SEPTIN6: variants seen among roughly 807,000 people sequenced by gnomAD.
The protein encoded by SEPTIN6 is septin 6.
In SEPTIN6, 8 loss-of-function variants were observed where a neutral mutation model predicts 33.6. That is an observed-to-expected ratio of 0.24 (90% CI 0.14 to 0.43). The LOEUF (loss-of-function observed/expected upper bound fraction) is 0.43, where lower values mean the gene tolerates loss of function less well. Ranked by LOEUF, SEPTIN6 falls within the 20% of genes least tolerant of loss-of-function variation. The pLI is 1.00. For missense variants in SEPTIN6, 250 were observed against 340.8 expected (o/e 0.73, Z 2.10); for synonymous variants, 131 against 140.0 (o/e 0.94, Z 0.45).
chrX:119,647,916 G>C (rs12392026), intron 5 of SEPTIN6, among the ~76,000 whole-genome samples: 3,939 of 105,673 alleles, frequency 0.037, 312 homozygotes, highest in African/African-American at 0.14. Context: ...GCCCCCGAAA[G>C]TGTTGGAATT....
In SEPTIN6 at chrX:119,693,167, A is replaced by G. The variant is rs751868472; in HGVS notation, c.-62T>C. ...CGCAACGGGAGCTACTGCACAGGAA[A>G]CAGAGGAGCTCCTCCGACAAAGAGA... On this transcript the variant is annotated 5_prime_UTR_variant, in exon 1 of 11. Coordinates refer to ENST00000394610, the MANE Select transcript of SEPTIN6 (RefSeq NM_145799.4). 19 of 1,104,418 alleles carry G rather than the reference A, an allele frequency of 1.7e-5. No individual in the cohort carries two copies. In the African/African-American group the frequency reaches 3.1e-4, roughly 18 times the overall value. The allele number at this position is 1,104,418 out of a possible 1,213,427, so 91.0% of individuals were successfully genotyped here. A position where few individuals can be genotyped will look rare whatever the true frequency, so the allele number is the denominator to read the frequency against.
At chrX:119,640,458 T>G (rs1358764703) in intron 6 of SEPTIN6, among the ~76,000 whole-genome samples, 2 of 108,674 alleles carry the variant, frequency 1.8e-5, no homozygotes, top group African/African-American at 3.4e-5. Context: ...TGCAAGTCCT[T>G]GTGTTTTAGG....
intron 2 of SEPTIN6, among the ~76,000 whole-genome samples, chrX:119,671,524 A>G (rs1024905177): frequency 6.4e-5 from 7 of 109,220 alleles, no homozygotes; most frequent in Admixed American, 2.9e-4. Context: ...TCCTGACCTC[A>G]TGATCCGCCC....
chrX:119,664,190 G>A (rs987888801), intron 2 of SEPTIN6, among the ~76,000 whole-genome samples: 3 of 111,362 alleles, frequency 2.7e-5, no homozygotes, highest in African/African-American at 9.8e-5. Context: ...CACCATCTTG[G>A]CCAGGCTGGT....
At chrX:119,655,016 T>G (rs1192653006) in intron 3 of SEPTIN6, among the ~76,000 whole-genome samples, 1 of 111,341 alleles carries the variant, frequency 9.0e-6, no homozygotes, top group Non-Finnish European at 1.9e-5. Context: ...TTCATTTTTT[T>G]TCTCAATTAC....
chrX:119,617,346 A>AT lies in SEPTIN6; in HGVS notation c.*2746dup. The AT allele has an allele frequency of 1.2e-6, 1 of 804,647 alleles. No homozygotes were observed. Among genetic ancestry groups the AT allele is most frequent in the African/African-American group, 2.2e-5 (1 of 46,230 alleles). The allele number at this position is 804,647 out of a possible 1,213,427, so 66.3% of individuals were successfully genotyped here. A position where few individuals can be genotyped will look rare whatever the true frequency, so the allele number is the denominator to read the frequency against. On this transcript the variant is annotated 3_prime_UTR_variant, in exon 11 of 11. Transcript: ENST00000394610. ...AGAAAAGCTACCCAATGAAATACAC[A>AT]TTTTAATAGGTTGATCAACTTTTTA...
intron 1 of SEPTIN6, among the ~76,000 whole-genome samples, chrX:119,680,239 A>AT (rs1556333114): frequency 2.0e-5 from 2 of 99,523 alleles, no homozygotes; most frequent in African/African-American, 7.6e-5. Context: ...TTATTTATTT[A>AT]TTAGAGATGG....
chrX:119,664,937 C>T (rs929517326), intron 2 of SEPTIN6, among the ~76,000 whole-genome samples: 5 of 109,425 alleles, frequency 4.6e-5, no homozygotes, highest in African/African-American at 1.7e-4. Flanking sequence ...CTAAACAGCC[C>T]TCTGGGGATG....
intron 8 of SEPTIN6, among the ~76,000 whole-genome samples, chrX:119,632,003 C>T (rs1365108648): frequency 9.1e-6 from 1 of 110,107 alleles, no homozygotes; most frequent in Admixed American, 9.7e-5. Flanking sequence ...ACTCGTGATC[C>T]ACCCACCTCG....
At chrX:119,685,922 C>T (rs1378540068) in intron 1 of SEPTIN6, among the ~76,000 whole-genome samples, 1 of 111,342 alleles carries the variant, frequency 9.0e-6, no homozygotes, top group Non-Finnish European at 1.9e-5. Flanking sequence ...CGGCCTAAGT[C>T]TCAGCCTGGC....
At chrX:119,670,611 T>C (rs779239610) in intron 2 of SEPTIN6, among the ~76,000 whole-genome samples, 23 of 104,856 alleles carry the variant, frequency 2.2e-4, no homozygotes, top group African/African-American at 8.0e-4. Context: ...GTGCCGTTTA[T>C]TGGTATCCTT....
At chrX:119,667,618 T>C (rs2054666548) in intron 2 of SEPTIN6, among the ~76,000 whole-genome samples, 1 of 110,194 alleles carries the variant, frequency 9.1e-6, no homozygotes, top group Non-Finnish European at 1.9e-5. Flanking sequence ...TTTCTGTCAA[T>C]GACTGGCACA....
At chrX:119,651,235 G>A (rs189078463) in intron 4 of SEPTIN6, among the ~76,000 whole-genome samples, 162 of 111,902 alleles carry the variant, frequency 1.4e-3, no homozygotes, top group African/African-American at 5.1e-3. Flanking sequence ...TCACACAGCC[G>A]CTGGGTCAAG....
chrX:119,666,850 G>A (rs928567528), intron 2 of SEPTIN6, among the ~76,000 whole-genome samples: 2 of 111,475 alleles, frequency 1.8e-5, no homozygotes, highest in Admixed American at 1.9e-4. Context: ...CCAAGCAGTG[G>A]AATGTATCAC....
At chrX:119,622,247 T>C (rs1569418127) in intron 10 of SEPTIN6, among the ~76,000 whole-genome samples, 2 of 111,575 alleles carry the variant, frequency 1.8e-5, no homozygotes. Flanking sequence ...GGACCAATAA[T>C]GATTGAGGTA....
At chrX:119,663,382 G>T in intron 3 of SEPTIN6, 100 bp downstream of exon 3, 1 of 726,118 alleles carries the variant, frequency 1.4e-6, no homozygotes, top group Non-Finnish European at 2.0e-6. Context: ...GACAGGCTTG[G>T]GCCCGATATC....
intron 1 of SEPTIN6, among the ~76,000 whole-genome samples, chrX:119,680,142 G>A (rs1396212365): frequency 3.6e-5 from 4 of 111,187 alleles, no homozygotes; most frequent in Non-Finnish European, 7.5e-5. Flanking sequence ...TAATAATAAA[G>A]AAGAAAATCA....
intron 10 of SEPTIN6, among the ~76,000 whole-genome samples, chrX:119,622,594 G>T (rs1337889386): frequency 1.8e-5 from 2 of 112,324 alleles, no homozygotes; most frequent in Admixed American, 1.9e-4. Flanking sequence ...CCTCTCACTT[G>T]TAAAGTGTAG....
In SEPTIN6 at chrX:119,619,982, A is replaced by G; in HGVS notation, c.*111T>C. ...GGATTGTATGCCCCCCAGGCATGTTAAGGGGGAAATTAGAGAAAGGGAGGC... is the reference window on the plus strand; with the variant it reads ...GGATTGTATGCCCCCCAGGCATGTTGAGGGGGAAATTAGAGAAAGGGAGGC... On this transcript the variant is annotated 3_prime_UTR_variant, in exon 11 of 11. Coordinates refer to ENST00000394610, the MANE Select transcript of SEPTIN6 (RefSeq NM_145799.4). 3 of 1,204,064 alleles carry G rather than the reference A, an allele frequency of 2.5e-6. No homozygotes were observed. The highest frequency in any genetic ancestry group is 3.4e-6 in the Non-Finnish European group (3 of 892,661).
Sources: allele counts gnomAD v4.1 joint callset (sites outside exome capture counted in the v4.1 genomes callset), GRCh38; gene constraint gnomAD v4.1.1; transcripts MANE v1.5; gene names NCBI Gene and HGNC (gene_info 2026-07-23, HGNC 2026-07-21).